KSR2: variants seen among roughly 807,000 people sequenced by gnomAD.
The protein encoded by KSR2 is kinase suppressor of ras 2.
A neutral mutation model predicts 107.8 loss-of-function variants in KSR2; 25 were observed. The observed-to-expected ratio is 0.23, with a 90% CI of 0.17 to 0.32. KSR2 has a LOEUF of 0.32. Ranked by LOEUF, KSR2 falls within the 10% of genes least tolerant of loss-of-function variation. The pLI, the probability that KSR2 is intolerant of heterozygous loss-of-function variation, is 1.00. For synonymous variants in KSR2, 480 were observed against 507.0 expected (o/e 0.95, Z 0.71); for missense variants, 887 against 1,268.9 (o/e 0.70, Z 4.57).
At chr12:117,638,296 G>T (rs904534139) in intron 5 of KSR2, among the ~76,000 whole-genome samples, 1 of 151,954 alleles carries the variant, frequency 6.6e-6, no homozygotes, top group Admixed American at 6.6e-5. Flanking sequence ...TTTAAATTCC[G>T]GTTAAACTCA....
At chr12:117,813,036 A>G (rs1364652061) in intron 3 of KSR2, among the ~76,000 whole-genome samples, 1 of 152,074 alleles carries the variant, frequency 6.6e-6, no homozygotes, top group East Asian at 1.9e-4. Context: ...ATATCTATAG[A>G]CAACAGATTT....
At chr12:117,625,059 C>A (rs10038992) in intron 5 of KSR2, among the ~76,000 whole-genome samples, 1 of 152,242 alleles carries the variant, frequency 6.6e-6, no homozygotes, top group East Asian at 1.9e-4. Context: ...GATTTTGTAT[C>A]CTGAGACTTT....
chr12:117,468,840 T>C (rs1871280973), intron 19 of KSR2, among the ~76,000 whole-genome samples: 1 of 152,180 alleles, frequency 6.6e-6, no homozygotes, highest in Non-Finnish European at 1.5e-5. Context: ...TGTGTGAGTA[T>C]AGATCTGAGT....
At chr12:117,946,021 T>C (rs1392821100) in intron 1 of KSR2, among the ~76,000 whole-genome samples, 1 of 152,122 alleles carries the variant, frequency 6.6e-6, no homozygotes, top group African/African-American at 2.4e-5. Context: ...GAAAATATTA[T>C]GAACTGGAAA....
intron 8 of KSR2, among the ~76,000 whole-genome samples, chr12:117,557,951 C>T (rs910797468): frequency 6.6e-6 from 1 of 152,166 alleles, no homozygotes; most frequent in Non-Finnish European, 1.5e-5. Context: ...CAGCCAGATT[C>T]GTCTTGCTTT....
intron 19 of KSR2, among the ~76,000 whole-genome samples, chr12:117,469,064 C>A (rs1214941905): frequency 6.6e-6 from 1 of 152,054 alleles, no homozygotes; most frequent in Non-Finnish European, 1.5e-5. Context: ...CTGGGGCTGT[C>A]GAGAGAGGTC....
At chr12:117,583,698 C>T (rs1276939101) in intron 5 of KSR2, among the ~76,000 whole-genome samples, 1 of 152,158 alleles carries the variant, frequency 6.6e-6, no homozygotes, top group Non-Finnish European at 1.5e-5. Flanking sequence ...GCCCTACTGC[C>T]CATTGCCCAC....
intron 1 of KSR2, among the ~76,000 whole-genome samples, chr12:117,871,750 G>A (rs1337832177): frequency 6.6e-6 from 1 of 152,092 alleles, no homozygotes; most frequent in Non-Finnish European, 1.5e-5. Flanking sequence ...GCTGGCAACT[G>A]CATCTCTGGG....
At chr12:117,755,846 CT>C (rs1296443329) in intron 4 of KSR2, among the ~76,000 whole-genome samples, 1 of 152,204 alleles carries the variant, frequency 6.6e-6, no homozygotes, top group African/African-American at 2.4e-5. Context: ...ACTAAAAGTG[CT>C]ATTCCCGTGA....
Position 117,667,613 on chromosome 12 carries a change from G to T in KSR2, c.1032C>A (p.Ser344Arg), listed in dbSNP as rs373320178. The T allele has an allele frequency of 6.2e-7, 1 of 1,611,312 alleles. No homozygotes were observed. Among genetic ancestry groups the T allele is most frequent in the Admixed American group, 1.7e-5 (1 of 59,546 alleles). Residue 344 changes from serine to arginine, a missense_variant, in exon 5 of 20, where the codon AGC (serine) becomes AGA (arginine). Physicochemically the swap from Ser to Arg is moderately radical, Grantham distance 110. This residue lies in a region of KSR2 where 399 missense variants were observed against 479.5 expected (regional missense o/e 0.83). Coordinates refer to ENST00000339824, the MANE Select transcript of KSR2 (RefSeq NM_173598.6). Reference sequence around the variant, plus strand: ...AGGGGATGTTCTCGCAGCTGCCTACGCTGCTGTGGATCTTGAGGTTCAAGG... The same window carrying T: ...AGGGGATGTTCTCGCAGCTGCCTACTCTGCTGTGGATCTTGAGGTTCAAGG... Reference protein sequence around the residue: ...SKPLNLKIHSSVGSCENIPSQ... With the variant: ...SKPLNLKIHSRVGSCENIPSQ...
chr12:117,894,894 C>T (rs116050452), intron 1 of KSR2, among the ~76,000 whole-genome samples: 7,246 of 151,848 alleles, frequency 0.048, 565 homozygotes, highest in African/African-American at 0.16. Context: ...CTTTTCTTCA[C>T]AAATAACCCA....
At chr12:117,697,683 T>G (rs940599214) in intron 4 of KSR2, among the ~76,000 whole-genome samples, 3 of 143,076 alleles carry the variant, frequency 2.1e-5, no homozygotes, top group African/African-American at 8.0e-5. Flanking sequence ...GAGGTTGCAG[T>G]CAGCCGAGAT....
intron 1 of KSR2, among the ~76,000 whole-genome samples, chr12:117,949,816 C>T (rs1382304068): frequency 6.6e-6 from 1 of 152,072 alleles, no homozygotes; most frequent in Non-Finnish European, 1.5e-5. Context: ...GTTTAGGTTA[C>T]AGTGGTGTAT....
chr12:117,944,620 C>T (rs1053024175), intron 1 of KSR2, among the ~76,000 whole-genome samples: 2 of 151,718 alleles, frequency 1.3e-5, no homozygotes, highest in Admixed American at 1.3e-4. Context: ...CTTTGGGAGG[C>T]GGAGACAGGC....
chr12:117,489,882 A>C (rs909472579), intron 14 of KSR2, among the ~76,000 whole-genome samples: 3 of 152,210 alleles, frequency 2.0e-5, no homozygotes, highest in African/African-American at 7.2e-5. Flanking sequence ...AAGTGTCCAC[A>C]GCAACTGCTC....
chr12:117,777,863 C>T (rs1268062245), intron 3 of KSR2, among the ~76,000 whole-genome samples: 9 of 151,996 alleles, frequency 5.9e-5, no homozygotes, highest in Non-Finnish European at 2.9e-5. Context: ...AAAACCCCAT[C>T]TCTACTAAAA....
intron 3 of KSR2, among the ~76,000 whole-genome samples, chr12:117,767,257 CA>C (rs1203613217): frequency 0.47 from 55,924 of 119,886 alleles, 13,137 homozygotes; most frequent in African/African-American, 0.69. Flanking sequence ...ACTAAAAATC[CA>C]AAAAAAAAAA....
At chr12:117,520,944 T>G (rs1874720196) in intron 14 of KSR2, among the ~76,000 whole-genome samples, 1 of 152,130 alleles carries the variant, frequency 6.6e-6, no homozygotes, top group Non-Finnish European at 1.5e-5. Flanking sequence ...CCAAACATCC[T>G]ACAGTCCCCA....
chr12:117,868,570 T>A (rs527902897), intron 1 of KSR2, among the ~76,000 whole-genome samples: 1 of 152,214 alleles, frequency 6.6e-6, no homozygotes, highest in East Asian at 1.9e-4. Flanking sequence ...CCTATTAACA[T>A]CTACATTGTA....
Sources: gnomAD v4.1 joint callset for allele counts (sites outside exome capture counted in the v4.1 genomes callset) on GRCh38, gnomAD v4.1.1 for gene constraint, gnomAD v4.1.1 regional missense constraint, MANE v1.5 for transcripts, NCBI Gene and HGNC (gene_info 2026-07-23, HGNC 2026-07-21) for gene names.